The following ARID2 variants were observed in gnomAD, a reference collection of about 807,000 sequenced individuals.
ARID2 encodes AT-rich interaction domain 2.
ARID2 carries 32 observed loss-of-function variants against 184.6 expected under a neutral mutation model. The ratio of observed to expected loss-of-function variants is 0.17; its 90% CI spans 0.13 to 0.23. The LOEUF is 0.23. ARID2 is among the 10% of genes least tolerant of loss of function. The probability of loss-of-function intolerance (pLI) is 1.00; values close to 1 mark genes in which losing one functional copy is unlikely to be tolerated. For missense variants in ARID2, 1,696 were observed against 2,197.6 expected (o/e 0.77, Z 4.56); for synonymous variants, 836 against 772.6 (o/e 1.08, Z -1.36).
intron 11 of ARID2, 94 bp from the exon 12 acceptor site, chr12:45,846,762 A>T: frequency 9.2e-7 from 1 of 1,086,022 alleles, no homozygotes; most frequent in Non-Finnish European, 1.4e-6. Context: ...AAAGGTATTC[A>T]TTGTGTTAAT....
At chr12:45,763,652 A>AT (rs201107080) in intron 3 of ARID2, among the ~76,000 whole-genome samples, 3 of 149,894 alleles carry the variant, frequency 2.0e-5, no homozygotes, top group East Asian at 1.9e-4. Context: ...AAAAAAAAAA[A>AT]TTTTTTTTAA....
intron 16 of ARID2, among the ~76,000 whole-genome samples, chr12:45,880,609 A>C (rs2138216791): frequency 6.6e-6 from 1 of 152,330 alleles, no homozygotes; most frequent in African/African-American, 2.4e-5. Flanking sequence ...GATGGGGATA[A>C]TAATAGCACT....
intron 3 of ARID2, 94 bp downstream of exon 3, chr12:45,731,408 A>G (rs1438770475): frequency 7.5e-6 from 6 of 805,144 alleles, no homozygotes; most frequent in African/African-American, 6.8e-5. Flanking sequence ...TTGCACACCA[A>G]ACAGTTCTTA....
At chr12:45,866,903 T>G (rs976000096) in intron 16 of ARID2, among the ~76,000 whole-genome samples, 1 of 152,042 alleles carries the variant, frequency 6.6e-6, no homozygotes, top group African/African-American at 2.4e-5. Flanking sequence ...CTGGGGGTTT[T>G]GTTTTGTTGG....
At chr12:45,797,208 T>C (rs1265240894) in intron 3 of ARID2, among the ~76,000 whole-genome samples, 1 of 152,126 alleles carries the variant, frequency 6.6e-6, no homozygotes, top group Non-Finnish European at 1.5e-5. Context: ...ATACTTTGCC[T>C]AAGTTTTTAA....
chr12:45,898,857 T>C (rs1372993308), intron 20 of ARID2, among the ~76,000 whole-genome samples: 4 of 151,866 alleles, frequency 2.6e-5, no homozygotes, highest in Non-Finnish European at 5.9e-5. Context: ...GATGTTGCAG[T>C]GAGCTGAGAT....
At chr12:45,889,207 G>T (rs1371933826) in intron 16 of ARID2, among the ~76,000 whole-genome samples, 3 of 151,974 alleles carry the variant, frequency 2.0e-5, no homozygotes, top group Non-Finnish European at 2.9e-5. Context: ...TTTGTACAAA[G>T]GTATCATATT....
At chr12:45,786,401 A>G (rs540734171) in intron 3 of ARID2, among the ~76,000 whole-genome samples, 103 of 152,358 alleles carry the variant, frequency 6.8e-4, no homozygotes, top group African/African-American at 2.3e-3. Flanking sequence ...AATATTTGTA[A>G]TCAGTATTGT....
intron 12 of ARID2, among the ~76,000 whole-genome samples, chr12:45,848,238 T>A (rs1231753868): frequency 1.3e-5 from 2 of 151,976 alleles, no homozygotes; most frequent in South Asian, 4.1e-4. Context: ...TAGGTAAAGG[T>A]CATTTTAAGA....
At position 45,757,075 on chromosome 12, in the gene ARID2, T is replaced by G. The variant is rs554303415; in HGVS notation, c.284+25761T>G. Among the ~76,000 whole-genome samples, 6 of 152,248 alleles carry G rather than the reference T, an allele frequency of 3.9e-5. No homozygotes were observed. In the East Asian group the frequency reaches 5.8e-4, roughly 15 times the overall value. ...TCAGCTTGTTCCTTTCTCTGAATCA[T>G]TATTATAAGGAAAAGGAGTTTAAGC... On this transcript the variant is annotated intron_variant, in intron 3 of 20. Transcript: ENST00000334344.
In ARID2 at chr12:45,906,841, G is replaced by T; in HGVS notation, c.*1763G>T. On this transcript the variant is annotated 3_prime_UTR_variant, in exon 21 of 21. Coordinates refer to ENST00000334344, the MANE Select transcript of ARID2 (RefSeq NM_152641.4). The stretch of plus-strand genomic sequence containing the variant: ...TTTTTTACTGGATACTGTACATTTG[G>T]CTAAAAGCTTTTATTGTTTGATGTT... The T allele has an allele frequency of 4.3e-6, 1 of 231,990 alleles. No homozygotes were observed. Among genetic ancestry groups the T allele is most frequent in the Middle Eastern group, 1.3e-3 (1 of 776 alleles). 14.4% of individuals were successfully genotyped at this position (231,990 alleles called of 1,614,324 possible). A position where few individuals can be genotyped will look rare whatever the true frequency, so the allele number is the denominator to read the frequency against.
At chr12:45,801,793 G>C (rs1283701604) in intron 3 of ARID2, among the ~76,000 whole-genome samples, 4 of 151,938 alleles carry the variant, frequency 2.6e-5, no homozygotes, top group Admixed American at 2.6e-4. Flanking sequence ...TGTGTATTGG[G>C]GGGTGGGGGA....
chr12:45,897,534 A>C (rs1470812904), intron 20 of ARID2, among the ~76,000 whole-genome samples: 2 of 152,350 alleles, frequency 1.3e-5, no homozygotes, highest in Admixed American at 1.3e-4. Context: ...ATGCCTAACT[A>C]CTGTGTAAAA....
chr12:45,866,675 G>C (rs966655088), intron 16 of ARID2, among the ~76,000 whole-genome samples: 1 of 152,092 alleles, frequency 6.6e-6, no homozygotes, highest in African/African-American at 2.4e-5. Flanking sequence ...TTATTCTTTT[G>C]TTATTTTAAC....
intron 20 of ARID2, among the ~76,000 whole-genome samples, chr12:45,902,462 T>G (rs889072970): frequency 6.6e-6 from 1 of 152,160 alleles, no homozygotes; most frequent in Non-Finnish European, 1.5e-5. Flanking sequence ...GTCTTTTTTC[T>G]TTCTTTGTTA....
chr12:45,750,056 G>C (rs1228954617), intron 3 of ARID2, among the ~76,000 whole-genome samples: 1 of 152,158 alleles, frequency 6.6e-6, no homozygotes, highest in African/African-American at 2.4e-5. Flanking sequence ...AGTGCAAGAG[G>C]TCTAGCTTTT....
At chr12:45,898,560 G>A (rs1944400643) in intron 20 of ARID2, among the ~76,000 whole-genome samples, 1 of 152,176 alleles carries the variant, frequency 6.6e-6, no homozygotes, top group Non-Finnish European at 1.5e-5. Flanking sequence ...AAATATTCTA[G>A]AATTGTGGTG....
chr12:45,773,610 G>C (rs553308559), intron 3 of ARID2, among the ~76,000 whole-genome samples: 1 of 152,074 alleles, frequency 6.6e-6, no homozygotes, highest in African/African-American at 2.4e-5. Context: ...AGTAGCAGCT[G>C]TATGCCAATA....
At chr12:45,758,219 A>G (rs1941605746) in intron 3 of ARID2, among the ~76,000 whole-genome samples, 1 of 152,060 alleles carries the variant, frequency 6.6e-6, no homozygotes, top group African/African-American at 2.4e-5. Flanking sequence ...CATTAAAGGC[A>G]TTTCATTAAG....
Sources: allele counts gnomAD v4.1 joint callset (sites outside exome capture counted in the v4.1 genomes callset), GRCh38; gene constraint gnomAD v4.1.1; transcripts MANE v1.5; gene names NCBI Gene and HGNC (gene_info 2026-07-23, HGNC 2026-07-21).